LRPPRC: variants seen among roughly 807,000 people sequenced by gnomAD.
LRPPRC encodes leucine-rich PPR motif-containing protein, mitochondrial.
A neutral mutation model predicts 180.3 loss-of-function variants in LRPPRC; 120 were observed. That is an observed-to-expected ratio of 0.67 (90% CI 0.57 to 0.77). The LOEUF is 0.77. LRPPRC is among the 30% of genes least tolerant of loss of function. The pLI, the probability that LRPPRC is intolerant of heterozygous loss-of-function variation, is 0.00. For missense variants in LRPPRC, 2,012 were observed against 1,657.2 expected (o/e 1.21, Z -3.72); for synonymous variants, 723 against 600.0 (o/e 1.21, Z -3.00).
intron 30 of LRPPRC, among the ~76,000 whole-genome samples, chr2:43,907,568 A>C (rs1671105719): frequency 6.6e-6 from 1 of 152,174 alleles, no homozygotes; most frequent in Non-Finnish European, 1.5e-5. Context: ...CACTAGCCAC[A>C]TGGCTACTCT....
chr2:43,916,390 T>G (rs1461015925), intron 29 of LRPPRC, among the ~76,000 whole-genome samples: 1 of 152,080 alleles, frequency 6.6e-6, no homozygotes, highest in Non-Finnish European at 1.5e-5. Flanking sequence ...CATAAAAAAT[T>G]TAAAGTAGGC....
At chr2:43,987,087 GCA>G (rs981574546) in intron 1 of LRPPRC, among the ~76,000 whole-genome samples, 2 of 152,130 alleles carry the variant, frequency 1.3e-5, no homozygotes, top group Non-Finnish European at 2.9e-5. Context: ...AACCAGCCTT[GCA>G]CAGTTGGAAT....
At chr2:43,988,777 T>C (rs1185734903) in intron 1 of LRPPRC, among the ~76,000 whole-genome samples, 1 of 152,018 alleles carries the variant, frequency 6.6e-6, no homozygotes, top group Non-Finnish European at 1.5e-5. Context: ...TCTCCTGACC[T>C]CGTGATCCGC....
intron 37 of LRPPRC, among the ~76,000 whole-genome samples, 182 bp from the exon 38 acceptor site, chr2:43,888,838 G>A (rs1415663230): frequency 6.6e-6 from 1 of 152,126 alleles, no homozygotes; most frequent in Non-Finnish European, 1.5e-5. Context: ...AGGGCCTCGG[G>A]TTCAGAGTTA....
intron 14 of LRPPRC, among the ~76,000 whole-genome samples, chr2:43,954,050 G>A (rs561748478): frequency 1.3e-5 from 2 of 152,168 alleles, no homozygotes; most frequent in South Asian, 4.1e-4. Flanking sequence ...ATACCAAACT[G>A]AACACCCTCT....
chr2:43,979,319 G>A (rs570009471), intron 3 of LRPPRC, among the ~76,000 whole-genome samples: 1 of 152,080 alleles, frequency 6.6e-6, no homozygotes, highest in African/African-American at 2.4e-5. Flanking sequence ...TTTATACTCT[G>A]GAGAACACCC....
At chr2:43,931,117 TATTTA>T (rs764809599) in intron 25 of LRPPRC, among the ~76,000 whole-genome samples, 1 of 152,204 alleles carries the variant, frequency 6.6e-6, no homozygotes, top group East Asian at 1.9e-4. Flanking sequence ...AGAAATATAT[TATTTA>T]ATTTAACTCT....
At position 43,947,420 on chromosome 2, in the gene LRPPRC, G is replaced by C. The variant is rs754851325; in HGVS notation, c.1966-50C>G. The stretch of plus-strand genomic sequence containing the variant: ...AAAATTTCCTGAAAAAGGAAATATA[G>C]TATGCCTTTTGTCACTCTTCCCTTT... On this transcript the variant is annotated intron_variant, in intron 19 of 37. Transcript: ENST00000260665. The C allele has an allele frequency of 7.8e-6, 7 of 897,962 alleles. No individual in the cohort carries two copies. The South Asian group carries it at 9.4e-5, about 12-fold the overall frequency. 55.6% of individuals were successfully genotyped at this position (897,962 alleles called of 1,614,324 possible).
At chr2:43,966,388 T>C (rs1387143799) in intron 11 of LRPPRC, among the ~76,000 whole-genome samples, 3 of 151,406 alleles carry the variant, frequency 2.0e-5, no homozygotes, top group Non-Finnish European at 4.4e-5. Context: ...GCTGAGAGAG[T>C]TGATCTCAAG....
intron 25 of LRPPRC, among the ~76,000 whole-genome samples, chr2:43,928,692 G>A (rs781024352): frequency 1.9e-4 from 29 of 151,880 alleles, no homozygotes; most frequent in African/African-American, 2.4e-5. Context: ...TCAAGGCTGC[G>A]GTGTGTTATG....
chr2:43,994,547 T>C (rs1674933696), intron 1 of LRPPRC, among the ~76,000 whole-genome samples: 1 of 152,130 alleles, frequency 6.6e-6, no homozygotes, highest in African/African-American at 2.4e-5. Context: ...ACTTCTCTAA[T>C]GGCATAATGC....
intron 29 of LRPPRC, among the ~76,000 whole-genome samples, chr2:43,915,938 G>A (rs1231581993): frequency 6.6e-6 from 1 of 152,036 alleles, no homozygotes; most frequent in African/African-American, 2.4e-5. Context: ...GCTAATTTGT[G>A]TATTTTCTGA....
intron 11 of LRPPRC, among the ~76,000 whole-genome samples, chr2:43,972,475 A>T (rs1673863207): frequency 6.6e-6 from 1 of 152,208 alleles, no homozygotes; most frequent in Non-Finnish European, 1.5e-5. Flanking sequence ...AAAAATTTTC[A>T]TACTTGTGTA....
In LRPPRC at chr2:43,960,541, A is replaced by G; in HGVS notation, c.1582T>C (p.Leu528=). 1 of 1,522,342 alleles carries G rather than the reference A, an allele frequency of 6.6e-7. No individual in the cohort carries two copies. Among genetic ancestry groups the G allele is most frequent in the South Asian group, 1.1e-5 (1 of 89,256 alleles). The allele number at this position is 1,522,342 out of a possible 1,614,324, so 94.3% of individuals were successfully genotyped here. A position where few individuals can be genotyped will look rare whatever the true frequency, so the allele number is the denominator to read the frequency against. ...NGNLDFVLSF[L]KSNTLPISLQ... The stretch of plus-strand genomic sequence containing the variant: ...TTTACCGCTAATGTTGTATACTTAC[A>G]AAATGATAATACAAAGTCTAAGTTC... Residue 528 remains leucine, a splice_region_variant and synonymous_variant, in exon 13 of 38, where the codon TTG becomes CTG. Coordinates refer to ENST00000260665, the MANE Select transcript of LRPPRC (RefSeq NM_133259.4).
At chr2:43,975,408 C>T (rs544373149) in intron 6 of LRPPRC, among the ~76,000 whole-genome samples, 191 bp from the exon 7 acceptor site, 1 of 151,762 alleles carries the variant, frequency 6.6e-6, no homozygotes, top group South Asian at 2.1e-4. Context: ...CATCTGATCC[C>T]CCATTAAAAA....
At position 43,974,294 on chromosome 2, in the gene LRPPRC, A is replaced by C; in HGVS notation, c.1011T>G (p.Asp337Glu). 6.2e-7 allele frequency: 1 copy of C among 1,609,810 alleles called. No individual in the cohort carries two copies. The highest frequency in any genetic ancestry group is 8.5e-7 in the Non-Finnish European group (1 of 1,176,036). The change falls in exon 9 of 38, where the codon GAT (aspartate) becomes GAG (glutamate). Residue 337 changes from aspartate (D) to glutamate (E), a missense_variant and splice_region_variant. Transcript: ENST00000260665. ...CTAAAAGTAAAATGAGGTTCATTGC[A>C]TCTGGGAAGAAAACAAAGACATCTT... ...KVTCERRYIP[D>E]AMNLILLLVT...
intron 13 of LRPPRC, among the ~76,000 whole-genome samples, chr2:43,958,222 G>A (rs1477002125): frequency 1.3e-5 from 2 of 152,116 alleles, no homozygotes; most frequent in Non-Finnish European, 2.9e-5. Context: ...CCCTGTAATT[G>A]TACTAAAATG....
At chr2:43,904,248 G>C (rs1474773223) in intron 31 of LRPPRC, among the ~76,000 whole-genome samples, 1 of 152,046 alleles carries the variant, frequency 6.6e-6, no homozygotes, top group African/African-American at 2.4e-5. Context: ...AGCCACAAAA[G>C]TCTGGGCACA....
At chr2:43,896,097 CCA>C (rs1670669616) in intron 35 of LRPPRC, 1 of 152,240 alleles carries the variant, frequency 6.6e-6, no homozygotes, top group African/African-American at 2.4e-5. Flanking sequence ...TCAAAAGTAG[CCA>C]CGTGCTAGGA....
Sources: gnomAD v4.1 joint callset for allele counts (sites outside exome capture counted in the v4.1 genomes callset) on GRCh38, gnomAD v4.1.1 for gene constraint, MANE v1.5 for transcripts, NCBI Gene and HGNC (gene_info 2026-07-23, HGNC 2026-07-21) for gene names.